Variants in CTNNA2 observed in about 807,000 individuals in gnomAD.
CTNNA2 encodes the protein catenin alpha 2, also known as catenin alpha-2.
In CTNNA2, 42 loss-of-function variants were observed where a neutral mutation model predicts 101.0. That is an observed-to-expected ratio of 0.42 (90% CI 0.32 to 0.54). The LOEUF (loss-of-function observed/expected upper bound fraction) is 0.54. CTNNA2 is among the 20% of genes least tolerant of loss of function. The probability of loss-of-function intolerance (pLI) is 0.14; values close to 1 mark genes in which losing one functional copy is unlikely to be tolerated. For missense variants in CTNNA2, 871 were observed against 1,223.1 expected, an observed-to-expected ratio of 0.71 and a Z score of 4.29; for synonymous variants, 450 against 456.4, an observed-to-expected ratio of 0.99 and a Z score of 0.18.
chr2:79,560,526 A>T (rs1451033642), intron 1 of CTNNA2, among the ~76,000 whole-genome samples: 1 of 151,970 alleles, frequency 6.6e-6, no homozygotes, highest in Non-Finnish European at 1.5e-5. Context: ...TAGGAAAAAC[A>T]ATAGGAGTAT....
At chr2:80,120,191 A>G (rs1701754083) in intron 7 of CTNNA2, among the ~76,000 whole-genome samples, 1 of 152,224 alleles carries the variant, frequency 6.6e-6, no homozygotes, top group African/African-American at 2.4e-5. Flanking sequence ...GACTGATGAC[A>G]GTCAATAGAC....
chr2:80,276,431 GT>G (rs1673907284), intron 7 of CTNNA2, among the ~76,000 whole-genome samples: 2 of 152,236 alleles, frequency 1.3e-5, no homozygotes, highest in Admixed American at 1.3e-4. Context: ...ACTACCTAGA[GT>G]GTCTTTGTCC....
chr2:79,288,254 G>T (rs550115980), intron 2 of CTNNA2, among the ~76,000 whole-genome samples: 1 of 152,128 alleles, frequency 6.6e-6, no homozygotes, highest in Non-Finnish European at 1.5e-5. Context: ...GTTCCTATTC[G>T]GCCATCTTGG....
At chr2:79,998,505 TA>T (rs1692709195) in intron 7 of CTNNA2, among the ~76,000 whole-genome samples, 1 of 152,214 alleles carries the variant, frequency 6.6e-6, no homozygotes, top group Non-Finnish European at 1.5e-5. Context: ...TCAAGCCGGC[TA>T]CCTTTTAGAA....
In CTNNA2 at chr2:80,026,390, G is replaced by T. The variant is rs79218759; in HGVS notation, c.1056+116593G>T. On this transcript the variant is annotated intron_variant, in intron 7 of 18. Transcript: ENST00000402739. The stretch of plus-strand genomic sequence containing the variant: ...AGGTAGAAAGCAGGGTGACAGGCAG[G>T]GTGAAATAAAATCTTCCTCTATTCT... Among the ~76,000 whole-genome samples, 472 of 152,232 alleles carry T rather than the reference G, an allele frequency of 3.1e-3. 2 individuals carry two copies. Among genetic ancestry groups the T allele is most frequent in the African/African-American group, 0.01 (436 of 41,538 alleles).
At chr2:79,417,157 A>T (rs1269351241) in intron 4 of CTNNA2, among the ~76,000 whole-genome samples, 2 of 152,098 alleles carry the variant, frequency 1.3e-5, no homozygotes, top group Non-Finnish European at 2.9e-5. Flanking sequence ...AATTTAAGGG[A>T]TATGAACTGG....
chr2:79,547,896 T>A (rs1348958106), intron 1 of CTNNA2: 1 of 152,306 alleles, frequency 6.6e-6, no homozygotes, highest in East Asian at 1.9e-4. Context: ...TTATGCATTA[T>A]TTACCTACTT....
At chr2:80,618,430 A>G (rs1040080995) in intron 17 of CTNNA2, among the ~76,000 whole-genome samples, 28 of 151,880 alleles carry the variant, frequency 1.8e-4, no homozygotes, top group African/African-American at 6.8e-4. Context: ...TTATGAAAAG[A>G]CTCTAAAGGT....
At position 79,909,595 on chromosome 2, in the gene CTNNA2, A is replaced by G. The variant is rs528254325; in HGVS notation, c.854A>G (p.Asn285Ser). ...ELAAALNEFD[N>S]KIILDPMTFS... ...TGTGTGTGTGTGTGATACTTTCAGA[A>G]TAAGATTATCCTGGACCCCATGACG... Residue 285 changes from asparagine (N) to serine (S), a missense_variant and splice_region_variant, in exon 7 of 19, where the codon AAT (asparagine) becomes AGT (serine). By Grantham distance (46) the Asn-to-Ser change is conservative. This residue lies in a region of CTNNA2 where 647 missense variants were observed against 831.5 expected (regional missense o/e 0.78). Transcript: ENST00000402739. 1 of 1,602,788 alleles carries G rather than the reference A, an allele frequency of 6.2e-7. No homozygotes were observed. Among genetic ancestry groups the G allele is most frequent in the African/African-American group, 1.3e-5 (1 of 74,844 alleles).
chr2:80,603,278 T>A (rs1697712526), intron 15 of CTNNA2, among the ~76,000 whole-genome samples: 1 of 152,124 alleles, frequency 6.6e-6, no homozygotes, highest in Non-Finnish European at 1.5e-5. Context: ...GCAGCATAAT[T>A]TCCATTTCCC....
At position 79,383,648 on chromosome 2, in the gene CTNNA2, A is replaced by G. The variant is rs925182895; in HGVS notation, c.-135+9635A>G. On this transcript the variant is annotated intron_variant, in intron 4 of 21. Transcript: ENST00000466387. ...TTCTCGAGCTAGTTCACTCTCTGCA[A>G]TCTTGATGCCGAGCCCTAGGTGGTT... Among the ~76,000 whole-genome samples the G allele has an allele frequency of 2.6e-5, 4 of 152,206 alleles. No individual in the cohort carries two copies. The South Asian group carries it at 6.2e-4, about 24-fold the overall frequency.
At chr2:79,538,943 C>G (rs990331568) in intron 1 of CTNNA2, among the ~76,000 whole-genome samples, 1 of 152,062 alleles carries the variant, frequency 6.6e-6, no homozygotes, top group African/African-American at 2.4e-5. Flanking sequence ...CTTATGAAGA[C>G]CTGAACGAGG....
At chr2:80,409,473 TTAG>T (rs1351533681) in intron 8 of CTNNA2, among the ~76,000 whole-genome samples, 1 of 152,180 alleles carries the variant, frequency 6.6e-6, no homozygotes, top group East Asian at 1.9e-4. Context: ...TGTAGCTTTG[TTAG>T]TAGTTGGGAG....
At chr2:80,184,289 C>T (rs189668632) in intron 7 of CTNNA2, among the ~76,000 whole-genome samples, 2 of 151,976 alleles carry the variant, frequency 1.3e-5, no homozygotes, top group Non-Finnish European at 2.9e-5. Flanking sequence ...CAGACAGATG[C>T]ATATTTATTT....
chr2:80,555,325 A>G (rs556141265), intron 11 of CTNNA2, among the ~76,000 whole-genome samples: 5 of 152,330 alleles, frequency 3.3e-5, no homozygotes, highest in Non-Finnish European at 5.9e-5. Flanking sequence ...ATCAAACTTC[A>G]AAACAAAGGA....
intron 15 of CTNNA2, among the ~76,000 whole-genome samples, chr2:80,594,876 A>G (rs943762877): frequency 6.6e-6 from 1 of 151,980 alleles, no homozygotes; most frequent in African/African-American, 2.4e-5. Context: ...ATTGGTCTCT[A>G]TGTCTGTCTG....
intron 3 of CTNNA2, among the ~76,000 whole-genome samples, chr2:79,315,468 A>G (rs1676474866): frequency 6.6e-6 from 1 of 152,148 alleles, no homozygotes; most frequent in Non-Finnish European, 1.5e-5. Context: ...GCATTTGCCC[A>G]GTTAAGATCT....
intron 7 of CTNNA2, among the ~76,000 whole-genome samples, chr2:80,024,347 T>G (rs757190205): frequency 2.6e-5 from 4 of 151,348 alleles, no homozygotes; most frequent in Non-Finnish European, 5.9e-5. Flanking sequence ...TCACTGAGAG[T>G]AGAGGATTAG....
chr2:79,457,211 A>AAG (rs1341011725), intron 4 of CTNNA2, among the ~76,000 whole-genome samples: 8 of 151,920 alleles, frequency 5.3e-5, no homozygotes, highest in African/African-American at 1.9e-4. Context: ...CAAAAAAAAA[A>AAG]AAAAAGAAAA....
Sources: allele counts gnomAD v4.1 joint callset (sites outside exome capture counted in the v4.1 genomes callset), GRCh38; gene constraint gnomAD v4.1.1; regional missense constraint gnomAD v4.1.1; transcripts MANE v1.5; gene names NCBI Gene and HGNC (gene_info 2026-07-23, HGNC 2026-07-21).